Variants in BCAS3 observed in about 807,000 individuals in gnomAD.
BCAS3 encodes the protein BCAS4/BCAS3 fusion.
BCAS3 carries 53 observed loss-of-function variants against 116.1 expected under a neutral mutation model. That is an observed-to-expected ratio of 0.46 (90% CI 0.37 to 0.57). BCAS3 has a LOEUF of 0.57. BCAS3 is among the 20% of genes least tolerant of loss of function. The pLI, the probability that BCAS3 is intolerant of heterozygous loss-of-function variation, is 0.00. For synonymous variants in BCAS3, 391 were observed against 408.2 expected, an observed-to-expected ratio of 0.96 and a Z score of 0.51; for missense variants, 917 against 1,165.4, an observed-to-expected ratio of 0.79 and a Z score of 3.10.
At chr17:60,701,736 G>C (rs548599247) in intron 4 of BCAS3, among the ~76,000 whole-genome samples, 3 of 150,156 alleles carry the variant, frequency 2.0e-5, no homozygotes, top group Non-Finnish European at 4.4e-5. Context: ...GAGGCAGGTG[G>C]ATCATTTGAG....
At chr17:61,054,467 G>A (rs1345296888) in intron 19 of BCAS3, among the ~76,000 whole-genome samples, 1 of 152,148 alleles carries the variant, frequency 6.6e-6, no homozygotes. Flanking sequence ...CCCAGGCTCA[G>A]GTGATTCTCG....
intron 7 of BCAS3, among the ~76,000 whole-genome samples, chr17:60,843,586 C>A (rs2052190258): frequency 6.6e-6 from 1 of 151,838 alleles, no homozygotes; most frequent in African/African-American, 2.4e-5. Flanking sequence ...CCCTCTTGTT[C>A]CTCTCCCTAC....
intron 11 of BCAS3, among the ~76,000 whole-genome samples, chr17:60,903,109 G>A (rs565938958): frequency 1.5e-4 from 23 of 152,280 alleles, no homozygotes; most frequent in Middle Eastern, 3.4e-3. Context: ...TCATGTGTGT[G>A]AGGGTTAATT....
rs115986715 is a variant in BCAS3, at chr17:61,363,333, A to G, written c.2426-4994A>G. ...GAGTTTGAGCAAGAGTAGTCTTTAT[A>G]CCTTCGGTAGTTGAGCAGGTAAGAC... On this transcript the variant is annotated intron_variant, in intron 22 of 23. Coordinates refer to ENST00000407086, the MANE Select transcript of BCAS3 (RefSeq NM_017679.5). The surrounding 1 kb of genome is among the most constrained non-coding windows in gnomAD (Gnocchi z 4.9). Among the ~76,000 whole-genome samples the G allele has an allele frequency of 4.1e-3, 617 of 152,328 alleles. 1 individual carries two copies. Among genetic ancestry groups the G allele is most frequent in the African/African-American group, 0.014 (579 of 41,576 alleles).
At chr17:60,978,767 C>T (rs1353779878) in intron 14 of BCAS3, among the ~76,000 whole-genome samples, 1 of 149,216 alleles carries the variant, frequency 6.7e-6, no homozygotes, top group Non-Finnish European at 1.5e-5. Flanking sequence ...GGAATCCTTT[C>T]CCCATTGCTT....
At position 60,945,322 on chromosome 17, in the gene BCAS3, T is replaced by C. The variant is rs550340708; in HGVS notation, c.1088-1897T>C. On this transcript the variant is annotated intron_variant, in intron 13 of 23. Transcript: ENST00000407086. Reference sequence around the variant, plus strand: ...ATTAGGATAACAGTTGTCCCCAAATTAATTTATTACACTCAATACAGTTCC... The same window carrying C: ...ATTAGGATAACAGTTGTCCCCAAATCAATTTATTACACTCAATACAGTTCC... Among the ~76,000 whole-genome samples, 26 of 152,274 alleles carry C rather than the reference T, an allele frequency of 1.7e-4. 1 individual carries two copies. In the South Asian group the frequency reaches 4.6e-3, roughly 27 times the overall value.
At chr17:61,322,153 C>T (rs1212765510) in intron 22 of BCAS3, among the ~76,000 whole-genome samples, 7 of 152,086 alleles carry the variant, frequency 4.6e-5, no homozygotes, top group African/African-American at 1.7e-4. Flanking sequence ...AGGCTGGTCT[C>T]GAACTCCCAA....
intron 6 of BCAS3, among the ~76,000 whole-genome samples, chr17:60,768,745 G>A (rs750008651): frequency 9.9e-5 from 15 of 152,182 alleles, no homozygotes; most frequent in Non-Finnish European, 1.9e-4. Flanking sequence ...TGTTCCAGTG[G>A]TGGCAGTAAT....
intron 22 of BCAS3, among the ~76,000 whole-genome samples, chr17:61,123,535 A>G (rs967229394): frequency 2.0e-5 from 3 of 151,814 alleles, no homozygotes; most frequent in Non-Finnish European, 2.9e-5. Flanking sequence ...ACCCAGCCCT[A>G]TTTGGTATGG....
In BCAS3 at chr17:61,337,693, C is replaced by T. The variant is rs992535860; in HGVS notation, c.2426-30634C>T. Among the ~76,000 whole-genome samples, 3 of 151,668 alleles carry T rather than the reference C, an allele frequency of 2.0e-5. No individual in the cohort carries two copies. The highest frequency in any genetic ancestry group is 1.9e-4 in the East Asian group (1 of 5,180). On this transcript the variant is annotated intron_variant, in intron 22 of 23. Transcript: ENST00000407086. This position sits in a 1 kb window ranked among gnomAD's most constrained non-coding sequence, Gnocchi z 4.8. The stretch of plus-strand genomic sequence containing the variant: ...TGTTTTTTTTTCCTTTTTCTTTTTG[C>T]GCTCACCCCTTAAAGGTCGTTTCTG...
chr17:61,358,424 C>T (rs1451975156), intron 22 of BCAS3, among the ~76,000 whole-genome samples: 1 of 151,680 alleles, frequency 6.6e-6, no homozygotes, highest in Non-Finnish European at 1.5e-5. Context: ...ACGGTTGTTG[C>T]TTCCTAGGTT....
At chr17:61,375,247 T>TGCGCACAC (rs1555861862) in intron 23 of BCAS3, among the ~76,000 whole-genome samples, 1 of 129,760 alleles carries the variant, frequency 7.7e-6, no homozygotes, top group African/African-American at 4.6e-5. Flanking sequence ...TGTGTGTGTG[T>TGCGCACAC]GTGTGTGTAC....
At chr17:61,050,753 A>G (rs2068785814) in intron 19 of BCAS3, among the ~76,000 whole-genome samples, 1 of 152,054 alleles carries the variant, frequency 6.6e-6, no homozygotes, top group South Asian at 2.1e-4. Flanking sequence ...ACTTATAAGA[A>G]ACACACTTTA....
At position 61,355,477 on chromosome 17, in the gene BCAS3, CA is replaced by C. The variant is rs397835641; in HGVS notation, c.2426-12839del. Reference sequence around the variant, plus strand: ...CTCGCTGGCACTCCAGCCATATTTTCAAAAAAAAAAATTCAGCATGGTAGTT... The same window carrying C: ...CTCGCTGGCACTCCAGCCATATTTTCAAAAAAAAAATTCAGCATGGTAGTT... On this transcript the variant is annotated intron_variant, in intron 22 of 23. Transcript: ENST00000407086. The surrounding 1 kb of genome is among the most constrained non-coding windows in gnomAD (Gnocchi z 4.2). Among the ~76,000 whole-genome samples, 1,898 of 148,838 alleles carry C rather than the reference CA, an allele frequency of 0.013. 32 individuals are homozygous for C. Among genetic ancestry groups the C allele is most frequent in the Non-Finnish European group, 0.019 (1,303 of 66,936 alleles).
At chr17:60,798,665 G>C (rs548189215) in intron 6 of BCAS3, among the ~76,000 whole-genome samples, 1 of 152,290 alleles carries the variant, frequency 6.6e-6, no homozygotes, top group Non-Finnish European at 1.5e-5. Context: ...AGGTTTTTGT[G>C]CGGACAAACG....
intron 6 of BCAS3, among the ~76,000 whole-genome samples, chr17:60,775,266 C>G (rs559860982): frequency 8.5e-5 from 13 of 152,098 alleles, no homozygotes; most frequent in Non-Finnish European, 1.2e-4. Context: ...ATAAAAACAC[C>G]AAGGGATTCC....
At chr17:61,094,236 T>C (rs186542822) in intron 22 of BCAS3, among the ~76,000 whole-genome samples, 7 of 152,370 alleles carry the variant, frequency 4.6e-5, no homozygotes, top group African/African-American at 1.7e-4. Flanking sequence ...TTTTGATCCT[T>C]GTGTAACATC....
intron 22 of BCAS3, among the ~76,000 whole-genome samples, chr17:61,320,464 G>T (rs1016966241): frequency 6.6e-6 from 1 of 151,940 alleles, no homozygotes; most frequent in African/African-American, 2.4e-5. Flanking sequence ...GACAGATTAC[G>T]AGGTCAGGAG....
At chr17:60,973,798 G>A (rs563393160) in intron 14 of BCAS3, among the ~76,000 whole-genome samples, 1 of 151,856 alleles carries the variant, frequency 6.6e-6, no homozygotes, top group East Asian at 1.9e-4. Flanking sequence ...CACCATGTTG[G>A]CCAGGCTGGT....
Sources: allele counts gnomAD v4.1 joint callset (sites outside exome capture counted in the v4.1 genomes callset), GRCh38; gene constraint gnomAD v4.1.1; non-coding constraint Gnocchi (gnomAD v3.1); transcripts MANE v1.5; gene names NCBI Gene and HGNC (gene_info 2026-07-23, HGNC 2026-07-21).